Variants in ANO4 observed in about 807,000 individuals in gnomAD.
The protein encoded by ANO4 is anoctamin 4, also known as anoctamin-4.
A neutral mutation model predicts 141.9 loss-of-function variants in ANO4; 69 were observed. The observed-to-expected ratio is 0.49, with a 90% CI of 0.40 to 0.59. The LOEUF is 0.59. Among genes scored for constraint, ANO4 ranks in the 20% least tolerant of loss-of-function variants. ANO4 has a pLI of 0.00. For synonymous variants in ANO4, 350 were observed against 394.3 expected (o/e 0.89, Z 1.33); for missense variants, 894 against 1,162.2 (o/e 0.77, Z 3.36).
chr12:100,961,715 A>G (rs2043433310), intron 5 of ANO4, among the ~76,000 whole-genome samples: 1 of 152,192 alleles, frequency 6.6e-6, no homozygotes, highest in East Asian at 1.9e-4. Flanking sequence ...CTTTTTTTGT[A>G]TATATGCTAA....
intron 5 of ANO4, among the ~76,000 whole-genome samples, chr12:100,959,824 T>G (rs755080689): frequency 2.6e-5 from 4 of 152,208 alleles, no homozygotes; most frequent in Non-Finnish European, 5.9e-5. Context: ...CTGGGTCCCC[T>G]TTTCTTCTGT....
chr12:101,054,011 G>A (rs778217238), intron 14 of ANO4, among the ~76,000 whole-genome samples: 221 of 152,312 alleles, frequency 1.5e-3, no homozygotes, highest in Middle Eastern at 3.4e-3. Flanking sequence ...CCCTTAGAAG[G>A]CATTCTAGTA....
chr12:101,017,179 T>C (rs565258455), intron 8 of ANO4, among the ~76,000 whole-genome samples: 45 of 152,270 alleles, frequency 3.0e-4, no homozygotes, highest in Non-Finnish European at 6.0e-4. Flanking sequence ...GAGGAGGCCT[T>C]GCAATCATGG....
At chr12:101,127,112 G>C in intron 27 of ANO4, 38 bp downstream of exon 27, 1 of 1,566,880 alleles carries the variant, frequency 6.4e-7, no homozygotes, top group Non-Finnish European at 8.7e-7. Context: ...AGGCCATTCC[G>C]AGGTTGAATG....
intron 9 of ANO4, among the ~76,000 whole-genome samples, chr12:101,024,302 G>A (rs558658152): frequency 6.6e-6 from 1 of 152,114 alleles, no homozygotes; most frequent in Non-Finnish European, 1.5e-5. Context: ...ACTTATAAAA[G>A]TTATCATCTG....
At chr12:100,932,524 TTTGAGTCC>T (rs1163392935) in intron 3 of ANO4, among the ~76,000 whole-genome samples, 2 of 152,180 alleles carry the variant, frequency 1.3e-5, no homozygotes, top group African/African-American at 4.8e-5. Context: ...CGTCCATTTA[TTTGAGTCC>T]TTGAAATATA....
intron 1 of ANO4, among the ~76,000 whole-genome samples, chr12:100,830,042 C>T (rs10860640): frequency 0.18 from 27,552 of 151,950 alleles, 2,944 homozygotes; most frequent in Middle Eastern, 0.3. Flanking sequence ...AGATACAGCT[C>T]TTAGACATAT....
chr12:100,943,052 G>A (rs2042580839), intron 5 of ANO4, among the ~76,000 whole-genome samples: 1 of 152,146 alleles, frequency 6.6e-6, no homozygotes, highest in South Asian at 2.1e-4. Flanking sequence ...AGGTCCCCAA[G>A]CTCAAGAGTG....
At chr12:100,871,752 G>A (rs1027406270) in intron 1 of ANO4, among the ~76,000 whole-genome samples, 1 of 152,180 alleles carries the variant, frequency 6.6e-6, no homozygotes, top group Non-Finnish European at 1.5e-5. Flanking sequence ...TTCTCACATG[G>A]TGCAAAGGAT....
intron 3 of ANO4, among the ~76,000 whole-genome samples, chr12:100,936,576 A>G (rs1452953863): frequency 6.6e-6 from 1 of 152,178 alleles, no homozygotes; most frequent in African/African-American, 2.4e-5. Context: ...GGATACATAC[A>G]TATATCAAGA....
intron 15 of ANO4, among the ~76,000 whole-genome samples, chr12:101,079,925 G>A (rs73379468): frequency 0.058 from 8,770 of 152,146 alleles, 787 homozygotes; most frequent in African/African-American, 0.19. Flanking sequence ...TATTCCTGTC[G>A]GAAGTCTGAA....
intron 17 of ANO4, among the ~76,000 whole-genome samples, 182 bp from the exon 18 acceptor site, chr12:101,094,074 A>G (rs1296335818): frequency 6.6e-6 from 1 of 152,270 alleles, no homozygotes; most frequent in South Asian, 2.1e-4. Context: ...AAATTACGCT[A>G]ATCTCCATTA....
intron 13 of ANO4, among the ~76,000 whole-genome samples, chr12:101,046,559 G>A (rs1299221708): frequency 1.3e-5 from 2 of 152,076 alleles, no homozygotes; most frequent in East Asian, 3.9e-4. Flanking sequence ...GGTTTCTCAG[G>A]GTCTTTGTTT....
intron 1 of ANO4, among the ~76,000 whole-genome samples, chr12:100,897,277 G>A (rs2040394658): frequency 1.3e-5 from 2 of 152,220 alleles, no homozygotes; most frequent in Non-Finnish European, 1.5e-5. Flanking sequence ...AGCTGAGTTG[G>A]AGAGGAGGCT....
chr12:100,877,719 C>T (rs1443996969), intron 1 of ANO4, among the ~76,000 whole-genome samples: 2 of 152,096 alleles, frequency 1.3e-5, no homozygotes. Flanking sequence ...TTTTCTCCAG[C>T]ATCTTTCAGC....
chr12:100,987,391 C>T, intron 7 of ANO4, 148 bp from the exon 8 acceptor site: 1 of 1,007,200 alleles, frequency 9.9e-7, no homozygotes, highest in East Asian at 2.5e-5. Flanking sequence ...TGTCTTCTTT[C>T]CATCTATAAA....
intron 5 of ANO4, among the ~76,000 whole-genome samples, chr12:100,945,122 C>A (rs1359168363): frequency 6.6e-6 from 1 of 152,164 alleles, no homozygotes; most frequent in African/African-American, 2.4e-5. Flanking sequence ...TTAGTATCTT[C>A]TTAATTAGCT....
chr12:100,744,118 A>G (rs10507117), intron 3 of ANO4, among the ~76,000 whole-genome samples: 22,014 of 152,188 alleles, frequency 0.14, 2,074 homozygotes, highest in Admixed American at 0.29. Flanking sequence ...CAAGTTTTAC[A>G]TGTGTATTTA....
At chr12:100,962,693 C>T (rs1454465199) in intron 5 of ANO4, among the ~76,000 whole-genome samples, 2 of 152,194 alleles carry the variant, frequency 1.3e-5, no homozygotes, top group Admixed American at 1.3e-4. Context: ...TAGTTCTCAG[C>T]TTCTAGAGAC....
Sources: gnomAD v4.1 joint callset for allele counts (sites outside exome capture counted in the v4.1 genomes callset) on GRCh38, gnomAD v4.1.1 for gene constraint, MANE v1.5 for transcripts, NCBI Gene and HGNC (gene_info 2026-07-23, HGNC 2026-07-21) for gene names.